Variants in TJP1 observed in about 807,000 individuals in gnomAD.
The protein encoded by TJP1 is tight junction protein ZO-1.
A neutral mutation model predicts 194.2 loss-of-function variants in TJP1; 43 were observed. The observed-to-expected ratio is 0.22, with a 90% CI of 0.17 to 0.29. The LOEUF is 0.29. TJP1 is among the 10% of genes least tolerant of loss of function. The pLI, the probability that TJP1 is intolerant of heterozygous loss-of-function variation, is 1.00. For synonymous variants in TJP1, 801 were observed against 779.0 expected, an observed-to-expected ratio of 1.03 and a Z score of -0.47; for missense variants, 1,971 against 2,185.7, an observed-to-expected ratio of 0.90 and a Z score of 1.96.
chr15:29,856,564 G>C (rs1288696744), intron 2 of TJP1, among the ~76,000 whole-genome samples: 1 of 152,112 alleles, frequency 6.6e-6, no homozygotes, highest in Non-Finnish European at 1.5e-5. Context: ...ACTTCAGATG[G>C]AGTAAAGATT....
chr15:29,768,589 G>GT (rs1386300728), intron 4 of TJP1, among the ~76,000 whole-genome samples: 1 of 151,980 alleles, frequency 6.6e-6, no homozygotes, highest in Non-Finnish European at 1.5e-5. Flanking sequence ...GCATTATATG[G>GT]TTATCAGTAT....
In TJP1 at chr15:29,726,762, C is replaced by T. The variant is rs769281078; in HGVS notation, c.2311+19G>A. On this transcript the variant is annotated intron_variant, in intron 17 of 27. Transcript: ENST00000614355. ...CCAGACATTGTAAGCTGAAAGAAGGCCTTTATTAACATACTCACTTGTAAA... is the reference window on the plus strand; with the variant it reads ...CCAGACATTGTAAGCTGAAAGAAGGTCTTTATTAACATACTCACTTGTAAA... 3 of 1,608,590 alleles carry T rather than the reference C, an allele frequency of 1.9e-6. No homozygotes were observed. In the East Asian group the frequency reaches 6.7e-5, roughly 36 times the overall value.
chr15:29,940,545 A>G (rs2055035751), intron 2 of TJP1, among the ~76,000 whole-genome samples: 1 of 152,178 alleles, frequency 6.6e-6, no homozygotes, highest in Non-Finnish European at 1.5e-5. Context: ...AAATACAACC[A>G]ATTTTCTATC....
chr15:29,924,704 T>C (rs1211958091), intron 2 of TJP1, among the ~76,000 whole-genome samples: 1 of 152,170 alleles, frequency 6.6e-6, no homozygotes, highest in Non-Finnish European at 1.5e-5. Flanking sequence ...CAGGGGCTAA[T>C]CTGGGGATGG....
rs1035040832 is a variant in TJP1 at position 29,717,966 on chromosome 15, A to T, written c.3974+55T>A. The T allele has an allele frequency of 5.5e-6, 8 of 1,455,612 alleles. No individual in the cohort carries two copies. In the African/African-American group the frequency reaches 1.1e-4, roughly 21 times the overall value. The allele number at this position is 1,455,612 out of a possible 1,614,324, so 90.2% of individuals were successfully genotyped here. The stretch of plus-strand genomic sequence containing the variant: ...CAGTAAAAGGTTTTCTTATTGACTA[A>T]GAGGGTTAAATTCCTGGTCAGTTCT... On this transcript the variant is annotated intron_variant, in intron 22 of 27. Coordinates refer to ENST00000614355, the MANE Select transcript of TJP1 (RefSeq NM_001330239.4).
chr15:29,944,368 T>C (rs2055200340), intron 2 of TJP1, among the ~76,000 whole-genome samples: 1 of 152,158 alleles, frequency 6.6e-6, no homozygotes, highest in Non-Finnish European at 1.5e-5. Flanking sequence ...GTGCTGGGAT[T>C]ACAGGCGTGA....
chr15:29,788,324 G>A (rs1472853241), intron 2 of TJP1, among the ~76,000 whole-genome samples: 1 of 152,150 alleles, frequency 6.6e-6, no homozygotes, highest in African/African-American at 2.4e-5. Flanking sequence ...GGGGTCCAAT[G>A]TATCTGTTTT....
At chr15:29,791,144 A>G (rs528656046) in intron 2 of TJP1, among the ~76,000 whole-genome samples, 1 of 151,168 alleles carries the variant, frequency 6.6e-6, no homozygotes, top group East Asian at 1.9e-4. Context: ...CCCCTGCCTC[A>G]GCCTCCTGAG....
chr15:29,942,159 C>T (rs757920551), intron 2 of TJP1, among the ~76,000 whole-genome samples: 29 of 152,324 alleles, frequency 1.9e-4, no homozygotes, highest in Non-Finnish European at 3.1e-4. Context: ...ACCCAAATTT[C>T]TAAAAGGCCT....
intron 2 of TJP1, among the ~76,000 whole-genome samples, chr15:29,908,961 C>T (rs868351757): frequency 8.6e-5 from 13 of 151,828 alleles, no homozygotes; most frequent in East Asian, 3.9e-4. Flanking sequence ...GAGAACATCC[C>T]GGCTAACACG....
chr15:29,888,604 TA>T (rs566547193), intron 2 of TJP1, among the ~76,000 whole-genome samples: 148 of 152,342 alleles, frequency 9.7e-4, no homozygotes, highest in Non-Finnish European at 1.7e-3. Context: ...GGCATTTAAA[TA>T]CAAATAAAAT....
intron 18 of TJP1, among the ~76,000 whole-genome samples, chr15:29,722,963 C>G (rs2043022913): frequency 1.3e-5 from 2 of 152,196 alleles, no homozygotes; most frequent in African/African-American, 4.8e-5. Context: ...TGGCAGACTT[C>G]TCCATTTTGA....
intron 2 of TJP1, among the ~76,000 whole-genome samples, chr15:29,783,801 A>G (rs2047526113): frequency 6.6e-6 from 1 of 152,138 alleles, no homozygotes; most frequent in East Asian, 1.9e-4. Context: ...GGACTACCGG[A>G]GGGTGGAGGG....
intron 2 of TJP1, among the ~76,000 whole-genome samples, chr15:29,857,616 G>C (rs780597137): frequency 4.6e-5 from 7 of 152,146 alleles, no homozygotes; most frequent in Non-Finnish European, 1.0e-4. Flanking sequence ...ACTGAATACT[G>C]ATGTCATGCA....
chr15:29,942,769 A>G (rs1435982527), intron 2 of TJP1, among the ~76,000 whole-genome samples: 1 of 152,228 alleles, frequency 6.6e-6, no homozygotes, highest in Non-Finnish European at 1.5e-5. Context: ...CCAGGTTAGC[A>G]ACACAGGCTG....
intron 2 of TJP1, among the ~76,000 whole-genome samples, chr15:29,911,108 T>C (rs1038332110): frequency 1.3e-5 from 2 of 152,224 alleles, no homozygotes; most frequent in African/African-American, 4.8e-5. Context: ...TCCTCTACAA[T>C]ACATTTACCT....
intron 2 of TJP1, among the ~76,000 whole-genome samples, chr15:29,866,218 T>C (rs2052297620): frequency 6.6e-6 from 1 of 152,238 alleles, no homozygotes; most frequent in Non-Finnish European, 1.5e-5. Context: ...TTTTACCCCA[T>C]GTCACCTGGT....
chr15:29,933,371 G>A (rs1460165436), intron 2 of TJP1, among the ~76,000 whole-genome samples: 2 of 152,106 alleles, frequency 1.3e-5, no homozygotes, highest in Non-Finnish European at 1.5e-5. Context: ...TTAGAATAAG[G>A]AGCAGAATAA....
intron 4 of TJP1, among the ~76,000 whole-genome samples, chr15:29,767,614 C>T (rs1165724476): frequency 1.3e-5 from 2 of 152,062 alleles, no homozygotes; most frequent in Non-Finnish European, 2.9e-5. Flanking sequence ...AGAAGTCTTG[C>T]TCTTGTTCAG....
Sources: allele counts gnomAD v4.1 joint callset (sites outside exome capture counted in the v4.1 genomes callset), GRCh38; gene constraint gnomAD v4.1.1; transcripts MANE v1.5; gene names NCBI Gene and HGNC (gene_info 2026-07-23, HGNC 2026-07-21).